The following EPS15 variants were observed in gnomAD, a reference collection of about 807,000 sequenced individuals.
The protein encoded by EPS15 is epidermal growth factor receptor pathway substrate 15, also known as epidermal growth factor receptor substrate 15.
A neutral mutation model predicts 113.8 loss-of-function variants in EPS15; 72 were observed. That is an observed-to-expected ratio of 0.63 (90% CI 0.52 to 0.77). EPS15 has a LOEUF of 0.77. EPS15 is among the 30% of genes least tolerant of loss of function. The probability of loss-of-function intolerance (pLI) is 0.00; values close to 1 mark genes in which losing one functional copy is unlikely to be tolerated. For missense variants in EPS15, 1,048 were observed against 1,045.8 expected, an observed-to-expected ratio of 1.00 and a Z score of -0.03; for synonymous variants, 344 against 363.4, an observed-to-expected ratio of 0.95 and a Z score of 0.61.
chr1:51,363,868 G>A lies in EPS15; in HGVS notation c.2357C>T (p.Pro786Leu). 2 of 1,610,336 alleles carry A rather than the reference G, an allele frequency of 1.2e-6. No homozygotes were observed. Among genetic ancestry groups the A allele is most frequent in the South Asian group, 1.1e-5 (1 of 90,314 alleles). Residue 786 changes from proline to leucine, a missense_variant and splice_region_variant, in exon 23 of 25, where the codon CCT becomes CTT. Transcript: ENST00000371733. ...AAGAAAAGTACCAACTCTCATACCA[G>A]GTGGTAGAGGGCAGGGTCTTGTTGG... is the stretch of plus-strand genomic sequence containing the variant. ...GTPTRPCPLP[P>L]GKRSINKLDS...
At chr1:51,425,806 T>C (rs901639314) in intron 12 of EPS15, among the ~76,000 whole-genome samples, 1 of 152,240 alleles carries the variant, frequency 6.6e-6, no homozygotes, top group Admixed American at 6.5e-5. Context: ...AGGCAAAATA[T>C]GTAAGATGTC....
In EPS15 at chr1:51,367,448, G is replaced by A. The variant is rs113923237; in HGVS notation, c.2120-1419C>T. Among the ~76,000 whole-genome samples, 1,137 of 152,292 alleles carry A rather than the reference G, an allele frequency of 7.5e-3. 14 individuals are homozygous for A. Among genetic ancestry groups the A allele is most frequent in the African/African-American group, 0.026 (1,093 of 41,562 alleles). On this transcript the variant is annotated intron_variant, in intron 21 of 24. Transcript: ENST00000371733. ...CGTGCCTGTAATATCAGCTGCTTGG[G>A]AAGCTGAGGCAGGAGAATCGCTTGA...
chr1:51,465,417 C>T (rs56326822), intron 5 of EPS15, 91 bp from the exon 6 acceptor site: 17,131 of 751,258 alleles, frequency 0.023, 243 homozygotes, highest in African/African-American at 0.049. Flanking sequence ...AATATGTTCA[C>T]ACAAAATGCT....
At position 51,432,892 on chromosome 1, in the gene EPS15, G is replaced by C. The variant is rs1383894539; in HGVS notation, c.1040+7455C>G. On this transcript the variant is annotated intron_variant, in intron 12 of 24. Coordinates refer to ENST00000371733, the MANE Select transcript of EPS15 (RefSeq NM_001981.3). ...CCAGTAATACCATTCTTAAGGCAGA[G>C]TCACAAAAGAGACCTTTTAGTGTCA... Among the ~76,000 whole-genome samples the C allele has an allele frequency of 2.0e-5, 3 of 152,172 alleles. No homozygotes were observed. In the East Asian group the frequency reaches 5.8e-4, roughly 29 times the overall value.
intron 21 of EPS15, among the ~76,000 whole-genome samples, chr1:51,370,394 T>C (rs537345631): frequency 1.3e-5 from 2 of 152,274 alleles, no homozygotes; most frequent in East Asian, 3.9e-4. Context: ...GCTTATAAGT[T>C]GAGTACTCCA....
intron 1 of EPS15, among the ~76,000 whole-genome samples, chr1:51,506,377 C>T (rs1644499389): frequency 1.3e-5 from 2 of 152,056 alleles, no homozygotes; most frequent in Non-Finnish European, 2.9e-5. Flanking sequence ...TCCTAACTGG[C>T]CTCATAATCA....
intron 1 of EPS15, among the ~76,000 whole-genome samples, chr1:51,508,242 G>GAA (rs58012399): frequency 1.2e-4 from 4 of 32,896 alleles, no homozygotes; most frequent in South Asian, 1.2e-3. Context: ...AGAAAAGAAA[G>GAA]AGAGAAAGAG....
chr1:51,444,586 A>G (rs1323941840), intron 11 of EPS15, among the ~76,000 whole-genome samples: 2 of 152,212 alleles, frequency 1.3e-5, no homozygotes, highest in Non-Finnish European at 2.9e-5. Context: ...TTCCTTTTAT[A>G]ATCTATTCAT....
At chr1:51,357,409 TATATATATATATATA>T (rs1557761406) in intron 24 of EPS15, among the ~76,000 whole-genome samples, 6 of 57,082 alleles carry the variant, frequency 1.1e-4, no homozygotes, top group South Asian at 4.7e-4. Context: ...TATATATATA[TATATATATATATATA>T]TATTTTTTTT....
At chr1:51,370,662 C>T (rs1213785883) in intron 21 of EPS15, among the ~76,000 whole-genome samples, 1 of 151,572 alleles carries the variant, frequency 6.6e-6, no homozygotes, top group Non-Finnish European at 1.5e-5. Flanking sequence ...ACTCTGTAGC[C>T]CAGGCTGGAG....
At chr1:51,386,269 A>T (rs1557787685) in intron 21 of EPS15, among the ~76,000 whole-genome samples, 1 of 152,244 alleles carries the variant, frequency 6.6e-6, no homozygotes, top group Non-Finnish European at 1.5e-5. Context: ...GAAACAGATA[A>T]GAGAAAAGTA....
intron 1 of EPS15, among the ~76,000 whole-genome samples, chr1:51,499,896 T>C: frequency 6.6e-6 from 1 of 152,228 alleles, no homozygotes; most frequent in East Asian, 1.9e-4. Flanking sequence ...CCACTATCCA[T>C]TTCCACAACT....
intron 13 of EPS15, among the ~76,000 whole-genome samples, chr1:51,415,534 C>G (rs759954600): frequency 6.6e-6 from 1 of 151,662 alleles, no homozygotes; most frequent in Non-Finnish European, 1.5e-5. Flanking sequence ...TGGTGGCTCA[C>G]GCCTGTAATC....
In EPS15 at chr1:51,356,722, T is replaced by C; in HGVS notation, c.2669A>G (p.Lys890Arg). 1 of 1,613,970 alleles carries C rather than the reference T, an allele frequency of 6.2e-7. No individual in the cohort carries two copies. Among genetic ancestry groups the C allele is most frequent in the South Asian group, 1.1e-5 (1 of 91,048 alleles). ...TCTTCATGCTTCTGATATCTCAGAT[T>C]TGCTGAGTGCAATAGCCAGTTCTAA... ...EDLELAIALSKSEISEA is the reference protein window; with the variant it reads ...EDLELAIALSRSEISEA Residue 890 changes from lysine to arginine, a missense_variant, in exon 25 of 25, where the codon AAA becomes AGA. Physicochemically the swap from Lys to Arg is conservative, Grantham distance 26. Coordinates refer to ENST00000371733, the MANE Select transcript of EPS15 (RefSeq NM_001981.3).
Position 51,366,041 on chromosome 1 carries a change from A to G in EPS15, c.2120-12T>C, listed in dbSNP as rs1037001699. 4 of 1,594,168 alleles carry G rather than the reference A, an allele frequency of 2.5e-6. No individual in the cohort carries two copies. Among genetic ancestry groups the G allele is most frequent in the South Asian group, 2.2e-5 (2 of 89,448 alleles). ...AAAGGGGTCTGTGGCTAAAATGAAT[A>G]AAGAAAATAAATGAAACAGGACAGT... is the stretch of plus-strand genomic sequence containing the variant. On this transcript the variant is annotated splice_polypyrimidine_tract_variant and intron_variant, in intron 21 of 24. Transcript: ENST00000371733.
At chr1:51,509,915 A>C (rs945747161) in intron 1 of EPS15, among the ~76,000 whole-genome samples, 1 of 152,184 alleles carries the variant, frequency 6.6e-6, no homozygotes, top group Non-Finnish European at 1.5e-5. Flanking sequence ...AAAAATGCAG[A>C]CTCATTCAAT....
chr1:51,361,181 T>A lies in EPS15; in HGVS notation c.2534A>T (p.Asn845Ile). 1.9e-5 allele frequency: 30 copies of A among 1,613,804 alleles called. No individual in the cohort carries two copies. The highest frequency in any genetic ancestry group is 2.5e-5 in the Non-Finnish European group (30 of 1,179,722). ...ATTCACAGTACTTACAGCACTGAAG[T>A]TGGCAAAATTGCTTGGATCAGCCTC... is the stretch of plus-strand genomic sequence containing the variant. ...NKEADPSNFA[N>I]FSAYPSEEDM... The change falls in exon 24 of 25, where the codon AAC (asparagine) becomes ATC (isoleucine). Residue 845 changes from asparagine (N) to isoleucine (I), a missense_variant. Coordinates refer to ENST00000371733, the MANE Select transcript of EPS15 (RefSeq NM_001981.3).
At chr1:51,460,564 G>A (rs1434663872) in intron 8 of EPS15, among the ~76,000 whole-genome samples, 2 of 152,140 alleles carry the variant, frequency 1.3e-5, no homozygotes, top group East Asian at 3.9e-4. Flanking sequence ...CAAAGTATAC[G>A]TTCCTATGTA....
chr1:51,358,867 C>T (rs2148339783), intron 24 of EPS15, among the ~76,000 whole-genome samples: 1 of 151,942 alleles, frequency 6.6e-6, no homozygotes, highest in Non-Finnish European at 1.5e-5. Context: ...CCATGCCTGG[C>T]TAATTTTTGT....
Sources: allele counts gnomAD v4.1 joint callset (sites outside exome capture counted in the v4.1 genomes callset), GRCh38; gene constraint gnomAD v4.1.1; transcripts MANE v1.5; gene names NCBI Gene and HGNC (gene_info 2026-07-23, HGNC 2026-07-21).